Variants in IPMK observed in about 807,000 individuals in gnomAD.
The protein encoded by IPMK is inositol polyphosphate multikinase.
A neutral mutation model predicts 45.8 loss-of-function variants in IPMK; 17 were observed. The ratio of observed to expected loss-of-function variants is 0.37; its 90% CI spans 0.25 to 0.56. The LOEUF (loss-of-function observed/expected upper bound fraction) is 0.56, where lower values mean the gene tolerates loss of function less well. IPMK is among the 20% of genes least tolerant of loss of function. The pLI, the probability that IPMK is intolerant of heterozygous loss-of-function variation, is 0.79. For missense variants in IPMK, 399 were observed against 498.0 expected (o/e 0.80, Z 1.89); for synonymous variants, 180 against 184.3 (o/e 0.98, Z 0.19).
intron 4 of IPMK, 50 bp downstream of exon 4, chr10:58,216,095 G>A (rs781086767): frequency 1.7e-6 from 2 of 1,185,932 alleles, no homozygotes; most frequent in Non-Finnish European, 2.3e-6. Flanking sequence ...ATTTTCAAGG[G>A]AAGAACATGT....
intron 1 of IPMK, among the ~76,000 whole-genome samples, chr10:58,242,763 T>C (rs191173774): frequency 5.3e-5 from 8 of 152,298 alleles, no homozygotes; most frequent in African/African-American, 1.9e-4. Flanking sequence ...CTATCTGATA[T>C]GGTTTGGTTC....
In IPMK at chr10:58,208,699, T is replaced by C. The variant is rs538053119; in HGVS notation, c.546+7446A>G. On this transcript the variant is annotated intron_variant, in intron 4 of 5. Coordinates refer to ENST00000373935, the MANE Select transcript of IPMK (RefSeq NM_152230.5). ...GTGTGGGTGAGTTCACTGTCTCCTA[T>C]AGAGTTGGAATGGCAGGGATCTCTT... Among the ~76,000 whole-genome samples, 5 of 152,322 alleles carry C rather than the reference T, an allele frequency of 3.3e-5. No homozygotes were observed. In the East Asian group the frequency reaches 5.8e-4, roughly 18 times the overall value.
At chr10:58,216,340 AT>A in intron 3 of IPMK, 23 bp from the exon 4 acceptor site, 1 of 1,257,712 alleles carries the variant, frequency 8.0e-7, no homozygotes, top group Non-Finnish European at 1.1e-6. Flanking sequence ...AAAAATATTA[AT>A]TAGTAATAGG....
chr10:58,209,459 C>T (rs1838123602), intron 4 of IPMK, among the ~76,000 whole-genome samples: 1 of 152,214 alleles, frequency 6.6e-6, no homozygotes, highest in South Asian at 2.1e-4. Context: ...ATGTGGTGCT[C>T]TCCCTATTCC....
chr10:58,209,998 G>C (rs1440153690), intron 4 of IPMK, among the ~76,000 whole-genome samples: 1 of 152,062 alleles, frequency 6.6e-6, no homozygotes, highest in Admixed American at 6.5e-5. Flanking sequence ...ATGCCATAAA[G>C]CTCCCAAGAG....
chr10:58,263,959 A>T (rs2095892), intron 1 of IPMK, among the ~76,000 whole-genome samples: 22 of 152,032 alleles, frequency 1.4e-4, no homozygotes, highest in Non-Finnish European at 2.9e-4. Flanking sequence ...GGACACTAAA[A>T]GACATAACAA....
intron 4 of IPMK, among the ~76,000 whole-genome samples, chr10:58,205,702 T>C (rs1334674823): frequency 6.6e-6 from 1 of 152,112 alleles, no homozygotes; most frequent in Non-Finnish European, 1.5e-5. Context: ...TGGCTAGGGA[T>C]TTAAAAAACT....
At chr10:58,203,320 A>G (rs1261658122) in intron 4 of IPMK, among the ~76,000 whole-genome samples, 1 of 152,162 alleles carries the variant, frequency 6.6e-6, no homozygotes, top group East Asian at 1.9e-4. Context: ...TGCTTGTTTT[A>G]TTGATTGGCT....
At chr10:58,261,723 T>C (rs948304534) in intron 1 of IPMK, among the ~76,000 whole-genome samples, 7 of 152,050 alleles carry the variant, frequency 4.6e-5, no homozygotes, top group Admixed American at 4.6e-4. Flanking sequence ...GCTGGGACTA[T>C]AGGCGCCACC....
In IPMK at chr10:58,193,527, A is replaced by G. The variant is rs1837846376; in HGVS notation, c.*2549T>C. 6.6e-6 allele frequency: 1 copy of G among 151,892 alleles called. No individual in the cohort carries two copies. The highest frequency in any genetic ancestry group is 1.5e-5 in the Non-Finnish European group (1 of 67,786). 9.4% of individuals were successfully genotyped at this position (151,892 alleles called of 1,614,324 possible). ...TTGAATCTATGCAATGTCTATCCAT[A>G]TTAAAATATCAATTAATGTAAATAT... On this transcript the variant is annotated 3_prime_UTR_variant, in exon 6 of 6. Transcript: ENST00000373935.
intron 4 of IPMK, among the ~76,000 whole-genome samples, chr10:58,199,819 A>G (rs529190020): frequency 1.3e-5 from 2 of 152,294 alleles, no homozygotes; most frequent in Non-Finnish European, 2.9e-5. Context: ...ATAAAATTAA[A>G]GACAAATACA....
rs748313680 is a variant in IPMK at position 58,193,740 on chromosome 10, T to A, written c.*2336A>T. 9 of 151,822 alleles carry A rather than the reference T, an allele frequency of 5.9e-5. No homozygotes were observed. The highest frequency in any genetic ancestry group is 1.0e-4 in the Non-Finnish European group (7 of 67,748). The allele number at this position is 151,822 out of a possible 1,614,324, so 9.4% of individuals were successfully genotyped here. On this transcript the variant is annotated 3_prime_UTR_variant, in exon 6 of 6. Transcript: ENST00000373935. ...AAACTATATCCGCATTATGCTTATT[T>A]CTTAAGCATTTACATGTTCAAATAT... is the stretch of plus-strand genomic sequence containing the variant.
At position 58,262,157 on chromosome 10, in the gene IPMK, C is replaced by T. The variant is rs540976431; in HGVS notation, c.190+5265G>A. 1.4e-4 allele frequency among the ~76,000 whole-genome samples: 21 copies of T among 152,184 alleles called. No individual in the cohort carries two copies. In the Middle Eastern group the frequency reaches 0.01, roughly 74 times the overall value. ...ATACCTAATGTAAATGACTAGTTAA[C>T]GAGTGCAGCAAACCAACACTGCACA... On this transcript the variant is annotated intron_variant, in intron 1 of 5. Transcript: ENST00000373935.
chr10:58,258,268 C>T (rs1018125704), intron 1 of IPMK, among the ~76,000 whole-genome samples: 17 of 152,178 alleles, frequency 1.1e-4, no homozygotes, highest in African/African-American at 3.6e-4. Context: ...CAAGACTATG[C>T]CACTGCACTC....
At chr10:58,197,075 C>G (rs558514967) in intron 5 of IPMK, among the ~76,000 whole-genome samples, 1 of 151,688 alleles carries the variant, frequency 6.6e-6, no homozygotes, top group East Asian at 1.9e-4. Flanking sequence ...CCAAGGCGGG[C>G]GGATCACGAG....
chr10:58,191,737 A>C lies in IPMK; in HGVS notation c.*4339T>G, dbSNP rs1325572104. On this transcript the variant is annotated 3_prime_UTR_variant, in exon 6 of 6. Coordinates refer to ENST00000373935, the MANE Select transcript of IPMK (RefSeq NM_152230.5). ...CTAAAGACATTTATACATTTAAACC[A>C]AAGTAACTGTGACTAAATACATTCA... The C allele has an allele frequency of 6.6e-6, 1 of 152,100 alleles. No individual in the cohort carries two copies. The highest frequency in any genetic ancestry group is 2.4e-5 in the African/African-American group (1 of 41,444). The allele number at this position is 152,100 out of a possible 1,614,324, so 9.4% of individuals were successfully genotyped here.
chr10:58,240,097 T>C (rs912984250), intron 1 of IPMK, among the ~76,000 whole-genome samples: 2 of 152,148 alleles, frequency 1.3e-5, no homozygotes, highest in African/African-American at 4.8e-5. Flanking sequence ...GACCAAGTCA[T>C]TGTAATTAGC....
intron 1 of IPMK, among the ~76,000 whole-genome samples, chr10:58,258,360 C>T (rs1487419684): frequency 6.6e-6 from 1 of 152,122 alleles, no homozygotes; most frequent in Non-Finnish European, 1.5e-5. Context: ...AAAACTTGAA[C>T]AGCAACAAAC....
rs893740187 is a variant in IPMK, at chr10:58,267,851, G to A, written c.-240C>T. The A allele has an allele frequency of 1.7e-5, 8 of 467,328 alleles. No homozygotes were observed. The highest frequency in any genetic ancestry group is 1.4e-4 in the Admixed American group (3 of 21,994). The allele number at this position is 467,328 out of a possible 1,614,324, so 28.9% of individuals were successfully genotyped here. On this transcript the variant is annotated 5_prime_UTR_variant, in exon 1 of 6. Transcript: ENST00000373935. ...CTCCTGTTCCTCTGCCGCCGCAGCC[G>A]CCGGCCCCGGCGCTGCCCGGTAGAC... is the stretch of plus-strand genomic sequence containing the variant.
Sources: gnomAD v4.1 joint callset for allele counts (sites outside exome capture counted in the v4.1 genomes callset) on GRCh38, gnomAD v4.1.1 for gene constraint, MANE v1.5 for transcripts, NCBI Gene and HGNC (gene_info 2026-07-23, HGNC 2026-07-21) for gene names.